Variants in TMTC2 observed in about 807,000 individuals in gnomAD.
TMTC2 encodes the protein transmembrane O-mannosyltransferase targeting cadherins 2.
Under a neutral mutation model 82.4 loss-of-function variants are expected in TMTC2, and 43 were observed. The observed-to-expected ratio is 0.52, with a 90% CI of 0.41 to 0.67. The LOEUF is 0.67. Ranked by LOEUF, TMTC2 falls within the 30% of genes least tolerant of loss-of-function variation. TMTC2 has a pLI of 0.00. For synonymous variants in TMTC2, 408 were observed against 381.9 expected (o/e 1.07, Z -0.80); for missense variants, 919 against 1,012.4 (o/e 0.91, Z 1.25).
intron 7 of TMTC2, among the ~76,000 whole-genome samples, chr12:82,968,226 T>C (rs1878302814): frequency 6.6e-6 from 1 of 152,128 alleles, no homozygotes; most frequent in African/African-American, 2.4e-5. Context: ...TAATTGTCAC[T>C]TTTTTCCTCT....
Position 82,896,531 on chromosome 12 carries a change from T to C in TMTC2, c.1368T>C (p.Phe456=), listed in dbSNP as rs777565873. The part of the protein sequence containing the change: ...VQKRFLKSLI[F]YATATLIVFY... ...AGCGGTTCCTCAAGAGCTTGATTTT[T>C]TATGCTACAGCTACACTAATTGTTT... The change falls in exon 3 of 12, where the codon TTT becomes TTC. Residue 456 remains phenylalanine, a synonymous_variant. Transcript: ENST00000321196. 29 of 1,614,110 alleles carry C rather than the reference T, an allele frequency of 1.8e-5. No individual in the cohort carries two copies. In the East Asian group the frequency reaches 6.5e-4, roughly 36 times the overall value.
chr12:82,769,975 A>G (rs934981424), intron 1 of TMTC2, among the ~76,000 whole-genome samples: 43 of 152,304 alleles, frequency 2.8e-4, no homozygotes, highest in African/African-American at 9.9e-4. Flanking sequence ...TCATCCCTGA[A>G]AAACCAAGAT....
At chr12:82,705,480 T>G (rs922156687) in intron 1 of TMTC2, among the ~76,000 whole-genome samples, 9 of 152,250 alleles carry the variant, frequency 5.9e-5, no homozygotes, top group African/African-American at 1.4e-4. Flanking sequence ...TTACCAGAAG[T>G]AATGGAAGGA....
At chr12:82,947,353 T>C (rs1199114047) in intron 4 of TMTC2, among the ~76,000 whole-genome samples, 1 of 150,812 alleles carries the variant, frequency 6.6e-6, no homozygotes, top group East Asian at 1.9e-4. Flanking sequence ...TTCTTTTTTT[T>C]TTTTTTGAGA....
chr12:82,837,599 T>A (rs551164351), intron 1 of TMTC2, among the ~76,000 whole-genome samples: 1 of 152,350 alleles, frequency 6.6e-6, no homozygotes, highest in East Asian at 1.9e-4. Flanking sequence ...AGTTGCTATT[T>A]AAAGACTGTA....
At chr12:83,125,856 T>C (rs1431379363) in intron 11 of TMTC2, among the ~76,000 whole-genome samples, 1 of 152,182 alleles carries the variant, frequency 6.6e-6, no homozygotes, top group African/African-American at 2.4e-5. Context: ...AAGGGACTCC[T>C]GTTATATTAA....
At chr12:82,991,448 A>T (rs531164474) in intron 8 of TMTC2, among the ~76,000 whole-genome samples, 9 of 152,316 alleles carry the variant, frequency 5.9e-5, no homozygotes, top group African/African-American at 2.2e-4. Context: ...TAGGCATGAT[A>T]GGTCATGAAC....
chr12:82,991,007 G>A (rs1879375437), intron 8 of TMTC2, among the ~76,000 whole-genome samples: 1 of 152,136 alleles, frequency 6.6e-6, no homozygotes, highest in Middle Eastern at 3.2e-3. Flanking sequence ...GGCACAAGAG[G>A]GGCGTGCATC....
At chr12:83,038,250 C>T (rs1881748119) in intron 9 of TMTC2, among the ~76,000 whole-genome samples, 1 of 151,760 alleles carries the variant, frequency 6.6e-6, no homozygotes, top group East Asian at 1.9e-4. Flanking sequence ...AACTAACCTG[C>T]ACGTTGTGCA....
At chr12:83,005,531 C>T (rs1880162404) in intron 8 of TMTC2, among the ~76,000 whole-genome samples, 1 of 152,098 alleles carries the variant, frequency 6.6e-6, no homozygotes, top group African/African-American at 2.4e-5. Context: ...CCCCGCTTCA[C>T]TCTTCCCCAT....
intron 1 of TMTC2, among the ~76,000 whole-genome samples, chr12:82,814,041 C>T (rs1868552079): frequency 6.6e-6 from 1 of 152,054 alleles, no homozygotes; most frequent in Non-Finnish European, 1.5e-5. Flanking sequence ...ATCCTTAAGT[C>T]ACAAGTACTA....
intron 4 of TMTC2, among the ~76,000 whole-genome samples, chr12:82,932,582 T>C (rs1783539654): frequency 1.3e-5 from 2 of 152,172 alleles, no homozygotes; most frequent in African/African-American, 4.8e-5. Context: ...TTTTTTATTA[T>C]TTTTATTTTA....
chr12:82,906,986 G>A (rs999089852), intron 3 of TMTC2, among the ~76,000 whole-genome samples: 1 of 152,096 alleles, frequency 6.6e-6, no homozygotes, highest in African/African-American at 2.4e-5. Context: ...TAAACAACAG[G>A]GCTGGCAAGA....
At chr12:82,980,151 T>C (rs78268209) in intron 7 of TMTC2, among the ~76,000 whole-genome samples, 1,868 of 151,882 alleles carry the variant, frequency 0.012, 39 homozygotes, top group African/African-American at 0.042. Context: ...ATAATTTCAA[T>C]AGGTAGATAA....
chr12:83,030,676 A>C, intron 8 of TMTC2, 122 bp from the exon 9 acceptor site: 1 of 592,558 alleles, frequency 1.7e-6, no homozygotes, highest in East Asian at 3.0e-5. Flanking sequence ...AAAAACAAAA[A>C]TTTTTTTTTT....
chr12:82,762,021 C>T (rs1207561731), intron 1 of TMTC2, among the ~76,000 whole-genome samples: 1 of 129,488 alleles, frequency 7.7e-6, no homozygotes, highest in Non-Finnish European at 1.5e-5. Context: ...GGCTGGGGTG[C>T]AGTGGTGCGA....
At chr12:82,805,263 A>C (rs1463740486) in intron 1 of TMTC2, among the ~76,000 whole-genome samples, 2 of 152,186 alleles carry the variant, frequency 1.3e-5, no homozygotes, top group African/African-American at 4.8e-5. Context: ...TTGGACCAGT[A>C]TAAGCATGCC....
intron 11 of TMTC2, among the ~76,000 whole-genome samples, chr12:83,075,658 A>G (rs1047433036): frequency 2.6e-5 from 4 of 152,184 alleles, no homozygotes; most frequent in African/African-American, 9.7e-5. Context: ...GTTATTACAT[A>G]TATTTTTTGC....
At chr12:82,871,079 A>G (rs1169225012) in intron 2 of TMTC2, among the ~76,000 whole-genome samples, 4 of 152,232 alleles carry the variant, frequency 2.6e-5, no homozygotes, top group Non-Finnish European at 4.4e-5. Flanking sequence ...GGTAATGAGA[A>G]CCACCATTTA....
Sources: allele counts gnomAD v4.1 joint callset (sites outside exome capture counted in the v4.1 genomes callset), GRCh38; gene constraint gnomAD v4.1.1; transcripts MANE v1.5; gene names NCBI Gene and HGNC (gene_info 2026-07-23, HGNC 2026-07-21).